Variants in NUP155 observed in about 807,000 individuals in gnomAD.
NUP155 encodes nuclear pore complex protein Nup155.
NUP155 carries 71 observed loss-of-function variants against 180.4 expected under a neutral mutation model. That is an observed-to-expected ratio of 0.39 (90% CI 0.33 to 0.48). The LOEUF is 0.48. Among genes scored for constraint, NUP155 ranks in the 20% least tolerant of loss-of-function variants. The pLI is 0.91. For missense variants in NUP155, 1,553 were observed against 1,648.9 expected, an observed-to-expected ratio of 0.94 and a Z score of 1.01; for synonymous variants, 582 against 559.5, an observed-to-expected ratio of 1.04 and a Z score of -0.57.
rs554161177 is a variant in NUP155 at position 37,294,473 on chromosome 5, G to GA, written c.3794-9dup. ...AAAACTGTACAATAAAATCTGGGAA[G>GA]AAAAAAAAAGATCGGAAATTTGGAT... On this transcript the variant is annotated splice_polypyrimidine_tract_variant and intron_variant, in intron 32 of 34. Transcript: ENST00000231498. 196 of 1,598,772 alleles carry GA rather than the reference G, an allele frequency of 1.2e-4. No homozygotes were observed. The highest frequency in any genetic ancestry group is 2.0e-4 in the East Asian group (9 of 44,308).
chr5:37,307,255 G>A (rs764748371), intron 25 of NUP155, 42 bp downstream of exon 25: 5 of 1,576,746 alleles, frequency 3.2e-6, no homozygotes, highest in Non-Finnish European at 4.4e-6. Flanking sequence ...AGAAAAGTCT[G>A]TATCCATAAA....
intron 4 of NUP155, among the ~76,000 whole-genome samples, chr5:37,357,637 A>G (rs1308136225): frequency 6.6e-6 from 1 of 152,184 alleles, no homozygotes; most frequent in Non-Finnish European, 1.5e-5. Flanking sequence ...ATTAATAATC[A>G]CTTTACATAT....
chr5:37,329,195 T>C lies in NUP155; in HGVS notation c.1808A>G (p.Tyr603Cys), dbSNP rs771317367. 1.2e-5 allele frequency: 20 copies of C among 1,611,008 alleles called. No homozygotes were observed. Among genetic ancestry groups the C allele is most frequent in the East Asian group, 2.2e-5 (1 of 44,814 alleles). ...TTTCAATGTTCCATACTCACTAGAA[T>C]AGACAGGAGACCCCAAGATGGGACC... ...NVGPILGSPV[Y>C]SSSPVPSGSP... is the part of the protein sequence containing the mutation. Residue 603 changes from tyrosine (Y) to cysteine (C), a missense_variant, in exon 16 of 35, where the codon TAT (tyrosine) becomes TGT (cysteine). Coordinates refer to ENST00000231498, the MANE Select transcript of NUP155 (RefSeq NM_153485.3).
At chr5:37,365,253 T>C (rs1000951392) in intron 1 of NUP155, among the ~76,000 whole-genome samples, 2 of 140,924 alleles carry the variant, frequency 1.4e-5, no homozygotes, top group African/African-American at 4.9e-5. Flanking sequence ...GGCAAGACTC[T>C]GTCTCAAAAA....
intron 1 of NUP155, among the ~76,000 whole-genome samples, chr5:37,365,713 GAAAAAAAAAAAAAAA>G (rs869240751): frequency 1.0e-3 from 23 of 22,678 alleles, no homozygotes; most frequent in Non-Finnish European, 1.2e-3. Context: ...GTCTCGGGGA[GAAAAAAAAAAAAAAA>G]AAAAAAAAAA....
At chr5:37,304,683 C>T (rs1743055133) in intron 27 of NUP155, 56 bp downstream of exon 27, 1 of 1,217,112 alleles carries the variant, frequency 8.2e-7, no homozygotes, top group Non-Finnish European at 1.2e-6. Flanking sequence ...GTGCTTAAAT[C>T]ATTGAGTTAT....
At position 37,343,124 on chromosome 5, in the gene NUP155, G is replaced by C. The variant is rs560735296; in HGVS notation, c.996-478C>G. On this transcript the variant is annotated intron_variant, in intron 9 of 34. Coordinates refer to ENST00000231498, the MANE Select transcript of NUP155 (RefSeq NM_153485.3). ...GAGTCTTGCTCTGTTGCCCAGGCTG[G>C]AGTGCAGTGGCGCCATCTCCACTCA... Among the ~76,000 whole-genome samples, 5 of 151,600 alleles carry C rather than the reference G, an allele frequency of 3.3e-5. No individual in the cohort carries two copies. The East Asian group carries it at 9.7e-4, about 29-fold the overall frequency.
At chr5:37,362,826 A>G (rs1747308095) in intron 3 of NUP155, among the ~76,000 whole-genome samples, 1 of 152,212 alleles carries the variant, frequency 6.6e-6, no homozygotes, top group African/African-American at 2.4e-5. Context: ...AATTGCTACG[A>G]AACTTCTAGT....
At chr5:37,331,591 T>A (rs923194909) in intron 14 of NUP155, 94 bp downstream of exon 14, 4 of 630,470 alleles carry the variant, frequency 6.3e-6, no homozygotes, top group Middle Eastern at 9.0e-4. Context: ...TATATATATA[T>A]TTATTACAGT....
chr5:37,304,860 A>C lies in NUP155; in HGVS notation c.3058-17T>G. On this transcript the variant is annotated splice_polypyrimidine_tract_variant and intron_variant, in intron 26 of 34. Transcript: ENST00000231498. Reference sequence around the variant, plus strand: ...TTGTTCAAACTAAAATAAAGAAAATAGTAAAAATTAGCAGTTAAAGGCTCT... The same window carrying C: ...TTGTTCAAACTAAAATAAAGAAAATCGTAAAAATTAGCAGTTAAAGGCTCT... The C allele has an allele frequency of 3.1e-6, 5 of 1,603,004 alleles. No homozygotes were observed. The highest frequency in any genetic ancestry group is 4.3e-6 in the Non-Finnish European group (5 of 1,169,894).
intron 21 of NUP155, among the ~76,000 whole-genome samples, chr5:37,315,261 G>A (rs915625824): frequency 6.6e-6 from 1 of 152,018 alleles, no homozygotes; most frequent in African/African-American, 2.4e-5. Flanking sequence ...GTTCTATCAC[G>A]GCCAGAAAAA....
chr5:37,296,333 G>A (rs1425016616), intron 32 of NUP155, among the ~76,000 whole-genome samples: 1 of 152,100 alleles, frequency 6.6e-6, no homozygotes. Context: ...TCTGTACTAA[G>A]AAAAATTCTT....
At chr5:37,365,330 T>C (rs1408443663) in intron 1 of NUP155, among the ~76,000 whole-genome samples, 2 of 151,946 alleles carry the variant, frequency 1.3e-5, no homozygotes, top group African/African-American at 4.8e-5. Flanking sequence ...AAAGGATAAA[T>C]GCTTGAGAGG....
At chr5:37,344,310 C>G (rs1467903171) in intron 9 of NUP155, among the ~76,000 whole-genome samples, 1 of 147,732 alleles carries the variant, frequency 6.8e-6, no homozygotes, top group African/African-American at 2.5e-5. Flanking sequence ...CCATGGCACT[C>G]CAGACTGGGT....
In NUP155 at chr5:37,302,836, G is replaced by A; in HGVS notation, c.3390C>T (p.Ala1130=). The change falls in exon 29 of 35, where the codon GCC becomes GCT. Residue 1130 remains alanine (A), a synonymous_variant. Transcript: ENST00000231498. The part of the protein sequence containing the change: ...RAILSAKSST[A]ISSIAADGEF... ...CACCATCGGCAGCTATTGATGAAATGGCAGTGGAACTTTTGGCACTAAGAA... is the reference window on the plus strand; with the variant it reads ...CACCATCGGCAGCTATTGATGAAATAGCAGTGGAACTTTTGGCACTAAGAA... 2 of 1,613,736 alleles carry A rather than the reference G, an allele frequency of 1.2e-6. No homozygotes were observed. Among genetic ancestry groups the A allele is most frequent in the Non-Finnish European group, 1.7e-6 (2 of 1,179,758 alleles).
In NUP155 at chr5:37,291,736, GAATTC is replaced by G; in HGVS notation, c.*159_*163del. 1.8e-6 allele frequency: 1 copy of G among 543,552 alleles called. No individual in the cohort carries two copies. Among genetic ancestry groups the G allele is most frequent in the Non-Finnish European group, 3.2e-6 (1 of 313,606 alleles). The allele number at this position is 543,552 out of a possible 1,614,324, so 33.7% of individuals were successfully genotyped here. On this transcript the variant is annotated 3_prime_UTR_variant, in exon 35 of 35. Coordinates refer to ENST00000231498, the MANE Select transcript of NUP155 (RefSeq NM_153485.3). ...TAAAAAACAAAATAGTCATAAAAAAGAATTCATTTAGCAAAGGTACTATTTGTAGA... is the reference window on the plus strand; with the variant it reads ...TAAAAAACAAAATAGTCATAAAAAAGATTTAGCAAAGGTACTATTTGTAGA...
intron 1 of NUP155, among the ~76,000 whole-genome samples, chr5:37,367,368 C>T (rs1294894303): frequency 6.6e-6 from 1 of 151,832 alleles, no homozygotes; most frequent in Non-Finnish European, 1.5e-5. Flanking sequence ...GAGTGTGCCA[C>T]CACACCCGGC....
chr5:37,354,115 T>C (rs1172085631), intron 4 of NUP155, among the ~76,000 whole-genome samples: 2 of 152,216 alleles, frequency 1.3e-5, no homozygotes, highest in Non-Finnish European at 2.9e-5. Context: ...TTAATGCATC[T>C]CTTTTAGATT....
At chr5:37,324,507 A>G (rs533882536) in intron 19 of NUP155, among the ~76,000 whole-genome samples, 1 of 151,920 alleles carries the variant, frequency 6.6e-6, no homozygotes, top group Non-Finnish European at 1.5e-5. Flanking sequence ...CCATATATAT[A>G]TATGGAATCA....
Sources: gnomAD v4.1 joint callset for allele counts (sites outside exome capture counted in the v4.1 genomes callset) on GRCh38, gnomAD v4.1.1 for gene constraint, MANE v1.5 for transcripts, NCBI Gene and HGNC (gene_info 2026-07-23, HGNC 2026-07-21) for gene names.